RPS24: variants seen among roughly 807,000 people sequenced by gnomAD.
RPS24 encodes small ribosomal subunit protein eS24.
For synonymous variants in RPS24, 72 were observed against 55.6 expected (o/e 1.30, Z -1.31); for missense variants, 100 against 162.5 (o/e 0.62, Z 2.09).
chr10:78,033,916 TG>T lies in RPS24; in HGVS notation c.3+15del. 2 of 1,614,034 alleles carry T rather than the reference TG, an allele frequency of 1.2e-6. No homozygotes were observed. The highest frequency in any genetic ancestry group is 1.7e-6 in the Non-Finnish European group (2 of 1,179,930). On this transcript the variant is annotated intron_variant, in intron 1 of 5. Transcript: ENST00000372360. Reference sequence around the variant, plus strand: ...AGATCGCCATCATGGTGAGTCTCCCTGGGCCCGTGCAGTCATCTGCCGCGTA... The same window carrying T: ...AGATCGCCATCATGGTGAGTCTCCCTGGCCCGTGCAGTCATCTGCCGCGTA...
intron 3 of RPS24, among the ~76,000 whole-genome samples, chr10:78,036,858 C>A (rs575013828): frequency 1.0e-3 from 155 of 152,170 alleles, no homozygotes; most frequent in African/African-American, 3.6e-3. Flanking sequence ...GGGAAGAGAT[C>A]CCCTCAGCCA....
In RPS24 at chr10:78,035,613, T is replaced by C. The variant is rs756639830; in HGVS notation, c.172T>C (p.Phe58Leu). 2 of 1,612,722 alleles carry C rather than the reference T, an allele frequency of 1.2e-6. No individual in the cohort carries two copies. The highest frequency in any genetic ancestry group is 1.7e-6 in the Non-Finnish European group (2 of 1,180,034). ...GACCACACCGGATGTCATCTTTGTATTTGGATTCAGAACTCATTTTGGTGG... is the reference window on the plus strand; with the variant it reads ...GACCACACCGGATGTCATCTTTGTACTTGGATTCAGAACTCATTTTGGTGG... Reference protein sequence around the residue: ...YKTTPDVIFVFGFRTHFGGGK... With the variant: ...YKTTPDVIFVLGFRTHFGGGK... Residue 58 changes from phenylalanine (F) to leucine (L), a missense_variant, in exon 3 of 6, where the codon TTT (phenylalanine) becomes CTT (leucine). Coordinates refer to ENST00000372360, the MANE Select transcript of RPS24 (RefSeq NM_033022.4).
At chr10:78,040,309 G>T (rs1847965900) in intron 5 of RPS24, 84 bp downstream of exon 5, 1 of 1,087,708 alleles carries the variant, frequency 9.2e-7, no homozygotes, top group Non-Finnish European at 1.4e-6. Context: ...CAGATCATGT[G>T]TAGTACATCT....
chr10:78,038,039 A>G, intron 4 of RPS24: 2 of 1,136,376 alleles, frequency 1.8e-6, no homozygotes, highest in South Asian at 2.8e-5. Flanking sequence ...GTTTGCTTTG[A>G]TGATGCTTTG....
At chr10:78,045,380 G>A (rs1345482680), downstream of RPS24, among the ~76,000 whole-genome samples, 1 of 152,178 alleles carries the variant, frequency 6.6e-6, no homozygotes, top group Non-Finnish European at 1.5e-5. Flanking sequence ...TGGGGCCATG[G>A]ATGGGCAAAA....
At chr10:78,040,166 C>T (rs956789963) in intron 4 of RPS24, 38 bp from the exon 5 acceptor site, 1 of 1,605,462 alleles carries the variant, frequency 6.2e-7, no homozygotes, top group Admixed American at 1.7e-5. Context: ...CTTTCTTTTC[C>T]CTCCTTTCTC....
intron 4 of RPS24, among the ~76,000 whole-genome samples, chr10:78,045,865 G>T (rs913448716): frequency 2.6e-5 from 4 of 152,020 alleles, no homozygotes; most frequent in Non-Finnish European, 5.9e-5. Flanking sequence ...AGCTGGGCGT[G>T]GTGGTGCGTG....
At chr10:78,053,025 G>A (rs1199476520) in intron 4 of RPS24, among the ~76,000 whole-genome samples, 3 of 151,854 alleles carry the variant, frequency 2.0e-5, no homozygotes, top group African/African-American at 4.8e-5. Context: ...GGTGGAGGGC[G>A]CCTTGTAATC....
chr10:78,042,078 A>C (rs1404458711), downstream of RPS24, among the ~76,000 whole-genome samples: 1 of 152,228 alleles, frequency 6.6e-6, no homozygotes, highest in Non-Finnish European at 1.5e-5. Context: ...TAGGCATAAC[A>C]TTTGGAAACT....
At chr10:78,038,785 A>C (rs1048476579) in intron 4 of RPS24, 1 of 151,966 alleles carries the variant, frequency 6.6e-6, no homozygotes, top group Non-Finnish European at 1.5e-5. Flanking sequence ...GACTACAGGC[A>C]TGTGCCACCG....
chr10:78,044,516 A>G (rs896066206), downstream of RPS24, among the ~76,000 whole-genome samples: 2 of 152,298 alleles, frequency 1.3e-5, no homozygotes, highest in Admixed American at 1.3e-4. Context: ...GCTAGAGCAC[A>G]GAAGTATGAC....
At chr10:78,035,201 G>A (rs1380682718) in intron 1 of RPS24, 151 bp from the exon 2 acceptor site, 19 of 749,338 alleles carry the variant, frequency 2.5e-5, no homozygotes, top group South Asian at 1.7e-4. Flanking sequence ...TATCCTGTGA[G>A]TTTGGCCTTG....
downstream of RPS24, among the ~76,000 whole-genome samples, chr10:78,044,905 T>A (rs78808862): frequency 8.5e-3 from 1,287 of 151,996 alleles, 19 homozygotes; most frequent in African/African-American, 0.029. Context: ...AGGAAATACT[T>A]TGGCAACGCT....
At chr10:78,034,763 A>G (rs1221262889) in intron 1 of RPS24, among the ~76,000 whole-genome samples, 2 of 152,250 alleles carry the variant, frequency 1.3e-5, no homozygotes, top group Admixed American at 6.5e-5. Flanking sequence ...CTAGAAGGAT[A>G]GATTACATGT....
intron 1 of RPS24, chr10:78,034,254 G>A (rs952297383): frequency 4.8e-5 from 22 of 454,922 alleles, no homozygotes; most frequent in Non-Finnish European, 8.9e-5. Flanking sequence ...CTAGGTAGGC[G>A]GCTTGCAGGT....
intron 1 of RPS24, chr10:78,034,397 C>G (rs1332996450): frequency 5.3e-6 from 1 of 188,264 alleles, no homozygotes; most frequent in Admixed American, 5.4e-5. Context: ...GGGAAACAGG[C>G]CCTGGAAAGA....
At position 78,035,403 on chromosome 10, in the gene RPS24, C is replaced by A. The variant is rs1177705525; in HGVS notation, c.55C>A (p.Gln19Lys). ...AAAGTTCATGACCAACCGACTACTT[C>A]AGAGGAAACAAATGGTAAGGAAGGG... ...TRKFMTNRLL[Q>K]RKQMVIDVLH... Residue 19 changes from glutamine to lysine, a missense_variant, in exon 2 of 6, where the codon CAG (glutamine) becomes AAG (lysine). Coordinates refer to ENST00000372360, the MANE Select transcript of RPS24 (RefSeq NM_033022.4). 1.2e-6 allele frequency: 2 copies of A among 1,614,126 alleles called. No individual in the cohort carries two copies. The highest frequency in any genetic ancestry group is 8.5e-7 in the Non-Finnish European group (1 of 1,179,990).
At chr10:78,052,296 G>A (rs914598954) in intron 4 of RPS24, among the ~76,000 whole-genome samples, 10 of 152,118 alleles carry the variant, frequency 6.6e-5, no homozygotes, top group Admixed American at 1.3e-4. Context: ...AAAGTGCTGG[G>A]ATTACAGGTG....
intron 5 of RPS24, 75 bp downstream of exon 5, chr10:78,040,300 A>C: frequency 1.6e-6 from 2 of 1,227,670 alleles, no homozygotes; most frequent in Non-Finnish European, 2.4e-6. Flanking sequence ...ATTTAAAAGC[A>C]GATCATGTGT....
Sources: allele counts gnomAD v4.1 joint callset (sites outside exome capture counted in the v4.1 genomes callset), GRCh38; gene constraint gnomAD v4.1.1; transcripts MANE v1.5; gene names NCBI Gene and HGNC (gene_info 2026-07-23, HGNC 2026-07-21).